Variants in MPP7 observed in about 807,000 individuals in gnomAD.
The protein encoded by MPP7 is MAGUK p55 subfamily member 7.
In MPP7, 60 loss-of-function variants were observed where a neutral mutation model predicts 76.5. The observed-to-expected ratio is 0.78, with a 90% confidence interval of 0.64 to 0.97. MPP7 has a LOEUF of 0.97. MPP7 is among the 50% of genes least tolerant of loss of function. The pLI is 0.00. For synonymous variants in MPP7, 237 were observed against 244.5 expected, an observed-to-expected ratio of 0.97 and a Z score of 0.29; for missense variants, 641 against 694.0, an observed-to-expected ratio of 0.92 and a Z score of 0.86.
At chr10:28,187,670 T>C (rs561415770) in intron 3 of MPP7, among the ~76,000 whole-genome samples, 1 of 152,338 alleles carries the variant, frequency 6.6e-6, no homozygotes, top group African/African-American at 2.4e-5. Context: ...ATGAGTATCT[T>C]ATAAAATATT....
chr10:28,302,587 C>A (rs1000736518), intron 1 of MPP7, among the ~76,000 whole-genome samples: 4 of 152,178 alleles, frequency 2.6e-5, no homozygotes, highest in Admixed American at 1.3e-4. Flanking sequence ...CCGCCGCCCC[C>A]GCCCGGAGTC....
intron 11 of MPP7, among the ~76,000 whole-genome samples, chr10:28,099,686 A>G (rs1054027642): frequency 6.6e-6 from 1 of 152,194 alleles, no homozygotes; most frequent in Non-Finnish European, 1.5e-5. Context: ...GCATGCCTGT[A>G]ATCCCAGCTA....
chr10:28,253,484 G>T (rs1346824688), intron 1 of MPP7, among the ~76,000 whole-genome samples: 1 of 152,136 alleles, frequency 6.6e-6, no homozygotes, highest in Non-Finnish European at 1.5e-5. Context: ...TCAGAAAGAG[G>T]AAAAATAACA....
intron 3 of MPP7, among the ~76,000 whole-genome samples, chr10:28,164,417 G>A (rs1836373996): frequency 6.6e-6 from 1 of 151,992 alleles, no homozygotes; most frequent in Non-Finnish European, 1.5e-5. Flanking sequence ...CCACTATTAG[G>A]CTTTTCTTGG....
chr10:28,116,644 T>TA (rs1253236829), intron 11 of MPP7, among the ~76,000 whole-genome samples: 3 of 152,088 alleles, frequency 2.0e-5, no homozygotes, highest in African/African-American at 7.2e-5. Context: ...CTTTGTTCGG[T>TA]AAGCAATTCT....
At chr10:28,244,101 T>C (rs950955776) in intron 1 of MPP7, among the ~76,000 whole-genome samples, 3 of 152,124 alleles carry the variant, frequency 2.0e-5, no homozygotes, top group Non-Finnish European at 2.9e-5. Flanking sequence ...ACCTAAACAA[T>C]AGGTACATGA....
intron 3 of MPP7, among the ~76,000 whole-genome samples, chr10:28,171,022 A>C (rs374879466): frequency 6.6e-6 from 1 of 152,214 alleles, no homozygotes; most frequent in Non-Finnish European, 1.5e-5. Flanking sequence ...GCATTCCACA[A>C]ATTGTTCCAA....
rs142092127 is a variant in MPP7, at chr10:28,225,705, T to C, written c.37+12863A>G. ...GGGAAGAAATTGGAACCCTCACATA[T>C]TGCTGGTAGAAATGTAAAATGTTGC... On this transcript the variant is annotated intron_variant, in intron 2 of 16. Transcript: ENST00000683449. Among the ~76,000 whole-genome samples the C allele has an allele frequency of 7.5e-3, 1,142 of 152,312 alleles. 2 individuals are homozygous for C. The highest frequency in any genetic ancestry group is 0.014 in the Middle Eastern group (4 of 294).
intron 1 of MPP7, among the ~76,000 whole-genome samples, chr10:28,244,173 C>A (rs942520290): frequency 1.3e-4 from 20 of 152,092 alleles, no homozygotes; most frequent in Non-Finnish European, 2.4e-4. Flanking sequence ...GTTTGCTGAC[C>A]ACTATTCTAT....
At chr10:28,250,482 G>A (rs907230889) in intron 1 of MPP7, among the ~76,000 whole-genome samples, 10 of 151,982 alleles carry the variant, frequency 6.6e-5, no homozygotes, top group Non-Finnish European at 1.3e-4. Context: ...TAAGCCCATC[G>A]GCAAACACAG....
chr10:28,188,738 A>G (rs1837313321), intron 3 of MPP7, among the ~76,000 whole-genome samples: 1 of 150,594 alleles, frequency 6.6e-6, no homozygotes, highest in African/African-American at 2.4e-5. Context: ...CTTTACCTCT[A>G]GAGGACAAGG....
chr10:28,139,109 A>G (rs976699685), intron 5 of MPP7, among the ~76,000 whole-genome samples: 1 of 152,196 alleles, frequency 6.6e-6, no homozygotes. Context: ...TATTTTAAGG[A>G]AAGGGCCAGG....
At chr10:28,278,548 A>G (rs534094175) in intron 1 of MPP7, among the ~76,000 whole-genome samples, 4 of 151,790 alleles carry the variant, frequency 2.6e-5, no homozygotes, top group East Asian at 1.9e-4. Context: ...TCTGGTCTCT[A>G]TATCATCATG....
In MPP7 at chr10:28,111,267, A is replaced by C. The variant is rs1834498212; in HGVS notation, c.952+8384T>G. On this transcript the variant is annotated intron_variant, in intron 11 of 16. Transcript: ENST00000683449. ...CATCTTAGCAAAGCCAAAGGAAAAA[A>C]CAAATGTATTTTAAATGTTTCAAAA... 2.0e-5 allele frequency among the ~76,000 whole-genome samples: 3 copies of C among 152,214 alleles called. No individual in the cohort carries two copies. The South Asian group carries it at 6.2e-4, about 31-fold the overall frequency.
chr10:28,085,002 G>A lies in MPP7; in HGVS notation c.1123+4669C>T, dbSNP rs551045037. Among the ~76,000 whole-genome samples the A allele has an allele frequency of 2.6e-5, 4 of 152,290 alleles. No individual in the cohort carries two copies. The South Asian group carries it at 8.3e-4, about 32-fold the overall frequency. On this transcript the variant is annotated intron_variant, in intron 12 of 16. Coordinates refer to ENST00000683449, the MANE Select transcript of MPP7 (RefSeq NM_001318170.2). ...GGGCAGGATTCAAGTGAACATAAAC[G>A]CTTTCACTAGACTCACATCTAAACT...
chr10:28,217,218 C>T (rs891844990), intron 2 of MPP7, among the ~76,000 whole-genome samples: 2 of 152,000 alleles, frequency 1.3e-5, no homozygotes, highest in African/African-American at 4.8e-5. Context: ...AAGGATATAA[C>T]ATACTCAGAA....
At chr10:28,250,044 T>C (rs1839564608) in intron 1 of MPP7, among the ~76,000 whole-genome samples, 1 of 152,084 alleles carries the variant, frequency 6.6e-6, no homozygotes, top group African/African-American at 2.4e-5. Context: ...AAAGAAACTA[T>C]TATATAACCA....
intron 11 of MPP7, among the ~76,000 whole-genome samples, chr10:28,097,735 G>A (rs1412341623): frequency 1.3e-5 from 2 of 152,090 alleles, no homozygotes; most frequent in Admixed American, 1.3e-4. Flanking sequence ...CCTGATAGAA[G>A]ACGTTTTCCA....
intron 11 of MPP7, among the ~76,000 whole-genome samples, chr10:28,096,111 G>C (rs1338945534): frequency 6.6e-6 from 1 of 152,164 alleles, no homozygotes; most frequent in East Asian, 1.9e-4. Context: ...ACTGTAAAGG[G>C]AGAGATCTGA....
Sources: gnomAD v4.1 joint callset for allele counts (sites outside exome capture counted in the v4.1 genomes callset) on GRCh38, gnomAD v4.1.1 for gene constraint, MANE v1.5 for transcripts, NCBI Gene and HGNC (gene_info 2026-07-23, HGNC 2026-07-21) for gene names.